The following PCGF3 variants were observed in gnomAD, a reference collection of about 807,000 sequenced individuals.
PCGF3 encodes the protein polycomb group RING finger protein 3.
In PCGF3, 7 loss-of-function variants were observed where a neutral mutation model predicts 33.1. The ratio of observed to expected loss-of-function variants is 0.21; its 90% CI spans 0.12 to 0.40. The LOEUF (loss-of-function observed/expected upper bound fraction) is 0.40. Ranked by LOEUF, PCGF3 falls within the 10% of genes least tolerant of loss-of-function variation. The pLI, the probability that PCGF3 is intolerant of heterozygous loss-of-function variation, is 1.00. For missense variants in PCGF3, 211 were observed against 313.3 expected, an observed-to-expected ratio of 0.67 and a Z score of 2.46; for synonymous variants, 153 against 121.3, an observed-to-expected ratio of 1.26 and a Z score of -1.72.
At chr4:739,829 C>G (rs946505818) in intron 6 of PCGF3, among the ~76,000 whole-genome samples, 14 of 152,240 alleles carry the variant, frequency 9.2e-5, no homozygotes, top group African/African-American at 3.4e-4. Context: ...CTCCACTCTA[C>G]GTTGAAGAAG....
chr4:717,313 G>A (rs533659452), intron 1 of PCGF3, among the ~76,000 whole-genome samples: 12 of 148,738 alleles, frequency 8.1e-5, no homozygotes, highest in East Asian at 4.1e-4. Context: ...ACTGGGCGTC[G>A]GTGCTGGGAC....
chr4:768,752 T>C (rs1311670796), exon 11 of PCGF3: 2 of 151,910 alleles, frequency 1.3e-5, no homozygotes, highest in Admixed American at 6.6e-5. Context: ...TCCCATCCAA[T>C]TGTTTGGTTT....
Position 755,461 on chromosome 4 carries a change from G to A in PCGF3, c.463-5818G>A, listed in dbSNP as rs28549702. Among the ~76,000 whole-genome samples, 1,108 of 152,206 alleles carry A rather than the reference G, an allele frequency of 7.3e-3. 11 individuals carry two copies. Among genetic ancestry groups the A allele is most frequent in the African/African-American group, 0.025 (1,046 of 41,528 alleles). On this transcript the variant is annotated intron_variant, in intron 8 of 10. Coordinates refer to ENST00000362003, the Ensembl canonical transcript of PCGF3. The stretch of plus-strand genomic sequence containing the variant: ...CTGCAGGGCTACCTCCTCCCTCGCC[G>A]CCCCACGCTCACTGCAGGGATCGTC...
chr4:765,420 G>A (rs549009885), intron 10 of PCGF3, among the ~76,000 whole-genome samples: 17 of 132,596 alleles, frequency 1.3e-4, no homozygotes, highest in African/African-American at 5.1e-4. Flanking sequence ...GCGACAGAGG[G>A]AGACTCTGTC....
At chr4:762,821 C>T (rs1438477066) in intron 9 of PCGF3, 1 of 152,238 alleles carries the variant, frequency 6.6e-6, no homozygotes, top group African/African-American at 2.4e-5. Context: ...GTGATAATTT[C>T]CACGGCAGCC....
intron 1 of PCGF3, among the ~76,000 whole-genome samples, chr4:709,648 A>C (rs1403288572): frequency 6.6e-6 from 1 of 152,282 alleles, no homozygotes; most frequent in African/African-American, 2.4e-5. Context: ...GAAGTTGGGC[A>C]GTACAATGAG....
chr4:714,176 C>A (rs996875128), intron 1 of PCGF3, among the ~76,000 whole-genome samples: 1 of 152,196 alleles, frequency 6.6e-6, no homozygotes, highest in Non-Finnish European at 1.5e-5. Context: ...GCCCCCAAAT[C>A]TGCGAGCGCC....
At chr4:765,150 C>T (rs1745290549) in intron 10 of PCGF3, 86 bp downstream of exon 10, 1 of 949,324 alleles carries the variant, frequency 1.1e-6, no homozygotes, top group Non-Finnish European at 1.7e-6. Context: ...TTAAATGACT[C>T]CAGCTGGGTG....
At chr4:735,272 C>T (rs1427251245) in intron 5 of PCGF3, among the ~76,000 whole-genome samples, 2 of 152,218 alleles carry the variant, frequency 1.3e-5, no homozygotes, top group South Asian at 2.1e-4. Flanking sequence ...GTAGGCCGGG[C>T]GCAGGGGCTC....
intron 8 of PCGF3, among the ~76,000 whole-genome samples, chr4:755,870 A>G (rs1047087631): frequency 7.0e-6 from 1 of 142,240 alleles, no homozygotes; most frequent in Non-Finnish European, 1.5e-5. Context: ...GGGAGAGTAC[A>G]TACCCCTCCT....
chr4:736,391 G>A (rs1040378582), intron 5 of PCGF3, among the ~76,000 whole-genome samples: 4 of 152,294 alleles, frequency 2.6e-5, no homozygotes, highest in South Asian at 2.1e-4. Context: ...TTCTAGAAAA[G>A]CCTCTGTTCA....
chr4:723,043 C>T (rs1477252259), intron 1 of PCGF3, among the ~76,000 whole-genome samples: 38 of 137,158 alleles, frequency 2.8e-4, no homozygotes, highest in African/African-American at 9.5e-4. Flanking sequence ...TCCACACTCA[C>T]GTCATCGCCA....
intron 8 of PCGF3, among the ~76,000 whole-genome samples, chr4:755,267 C>G (rs929098094): frequency 2.0e-5 from 3 of 152,232 alleles, no homozygotes; most frequent in Non-Finnish European, 4.4e-5. Flanking sequence ...TTGCACTTGT[C>G]CCCCTGGGCA....
intron 6 of PCGF3, among the ~76,000 whole-genome samples, chr4:742,383 GGCC>G (rs1744133970): frequency 6.6e-6 from 1 of 152,236 alleles, no homozygotes; most frequent in Admixed American, 6.5e-5. Flanking sequence ...TCCCTGGCCT[GGCC>G]GAGCTCATGG....
At chr4:715,300 C>T (rs1246950908) in intron 1 of PCGF3, among the ~76,000 whole-genome samples, 2 of 134,294 alleles carry the variant, frequency 1.5e-5, no homozygotes, top group Non-Finnish European at 3.1e-5. Context: ...AACTGGGAGT[C>T]GGTGCTGGGA....
intron 10 of PCGF3, 72 bp from the exon 11 acceptor site, chr4:765,960 C>A: frequency 1.4e-6 from 2 of 1,391,500 alleles, no homozygotes; most frequent in South Asian, 1.2e-5. Flanking sequence ...CCTCAGCACC[C>A]TTCCCGATGA....
At position 742,995 on chromosome 4, in the gene PCGF3, C is replaced by T. The variant is rs1404296245; in HGVS notation, c.263-479C>T. Among the ~76,000 whole-genome samples the T allele has an allele frequency of 6.6e-5, 10 of 152,326 alleles. No individual in the cohort carries two copies. In the South Asian group the frequency reaches 1.0e-3, roughly 16 times the overall value. Reference sequence around the variant, plus strand: ...TGTGAGCCGGCAGGATCTGCCACTGCGCAGGAGCGTGGGGGGAACCCAGTG... The same window carrying T: ...TGTGAGCCGGCAGGATCTGCCACTGTGCAGGAGCGTGGGGGGAACCCAGTG... On this transcript the variant is annotated intron_variant, in intron 6 of 10. Coordinates refer to ENST00000362003, the Ensembl canonical transcript of PCGF3.
intron 10 of PCGF3, 46 bp from the exon 11 acceptor site, chr4:765,986 C>T (rs768261954): frequency 1.3e-6 from 2 of 1,591,928 alleles, no homozygotes; most frequent in East Asian, 2.2e-5. Context: ...GTCCTTCTCG[C>T]CTCCACCCCT....
At chr4:724,812 A>G (rs1743259353) in intron 1 of PCGF3, among the ~76,000 whole-genome samples, 2 of 152,054 alleles carry the variant, frequency 1.3e-5, no homozygotes, top group Non-Finnish European at 2.9e-5. Flanking sequence ...ACACACACAA[A>G]AAATTAGTTG....
Sources: gnomAD v4.1 joint callset for allele counts (sites outside exome capture counted in the v4.1 genomes callset) on GRCh38, gnomAD v4.1.1 for gene constraint, MANE v1.5 for transcripts, NCBI Gene and HGNC (gene_info 2026-07-23, HGNC 2026-07-21) for gene names.